ZNF609: variants seen among roughly 807,000 people sequenced by gnomAD.
ZNF609 encodes the protein zinc finger protein 609.
Under a neutral mutation model 109.5 loss-of-function variants are expected in ZNF609, and 11 were observed. The ratio of observed to expected loss-of-function variants is 0.10; its 90% CI spans 0.06 to 0.17. The LOEUF is 0.17. Ranked by LOEUF, ZNF609 falls within the 10% of genes least tolerant of loss-of-function variation. The pLI is 1.00. For missense variants in ZNF609, 1,559 were observed against 1,772.4 expected (o/e 0.88, Z 2.16); for synonymous variants, 646 against 662.0 (o/e 0.98, Z 0.37).
intron 2 of ZNF609, among the ~76,000 whole-genome samples, chr15:64,576,157 C>T (rs923807244): frequency 4.2e-4 from 64 of 152,026 alleles, no homozygotes; most frequent in African/African-American, 1.5e-3. Flanking sequence ...AAAATGGGGG[C>T]TAATCAGGAT....
chr15:64,644,812 C>T (rs1896306400), intron 3 of ZNF609, among the ~76,000 whole-genome samples: 1 of 152,042 alleles, frequency 6.6e-6, no homozygotes, highest in Admixed American at 6.5e-5. Context: ...TTGGACCAGG[C>T]AATCATCTAC....
At chr15:64,611,442 AT>A (rs1365092775) in intron 2 of ZNF609, among the ~76,000 whole-genome samples, 1 of 152,176 alleles carries the variant, frequency 6.6e-6, no homozygotes, top group African/African-American at 2.4e-5. Flanking sequence ...TTGCACACTG[AT>A]TTTGCTTATG....
At chr15:64,655,303 A>G (rs1425941301) in intron 3 of ZNF609, among the ~76,000 whole-genome samples, 1 of 150,268 alleles carries the variant, frequency 6.7e-6, no homozygotes, top group Non-Finnish European at 1.5e-5. Context: ...ATTAGCCGGC[A>G]TGGTGGCACA....
intron 3 of ZNF609, among the ~76,000 whole-genome samples, chr15:64,661,383 C>A (rs1249620227): frequency 1.3e-5 from 2 of 152,182 alleles, no homozygotes; most frequent in Non-Finnish European, 2.9e-5. Context: ...TACTTGAGAA[C>A]AGTGTCTGGC....
intron 3 of ZNF609, among the ~76,000 whole-genome samples, chr15:64,669,504 T>C (rs1283415381): frequency 6.6e-6 from 1 of 152,184 alleles, no homozygotes; most frequent in Non-Finnish European, 1.5e-5. Context: ...GGAAGACTTT[T>C]GGATGTTTCC....
chr15:64,574,307 A>AG (rs1222421978), intron 2 of ZNF609, among the ~76,000 whole-genome samples: 1 of 151,986 alleles, frequency 6.6e-6, no homozygotes, highest in African/African-American at 2.4e-5. Flanking sequence ...TTGGTAAAGA[A>AG]GGAACCTGCA....
intron 2 of ZNF609, among the ~76,000 whole-genome samples, chr15:64,552,585 C>G (rs1189375711): frequency 1.3e-5 from 2 of 152,090 alleles, no homozygotes; most frequent in African/African-American, 4.8e-5. Flanking sequence ...AACTCCTGAC[C>G]TCAAGCAATC....
chr15:64,552,484 G>C (rs1448087019), intron 2 of ZNF609, among the ~76,000 whole-genome samples: 1 of 152,032 alleles, frequency 6.6e-6, no homozygotes, highest in African/African-American at 2.4e-5. Context: ...CAGTTCTGCT[G>C]CCTCAGCCTC....
chr15:64,679,827 A>G (rs1170073531), intron 6 of ZNF609, among the ~76,000 whole-genome samples: 1 of 152,340 alleles, frequency 6.6e-6, no homozygotes. Context: ...AAGGTTACCA[A>G]GCTAGTAAGT....
intron 4 of ZNF609, among the ~76,000 whole-genome samples, chr15:64,673,690 C>CAG (rs1896767502): frequency 6.6e-6 from 1 of 152,172 alleles, no homozygotes; most frequent in Non-Finnish European, 1.5e-5. Flanking sequence ...TCTTACGGAA[C>CAG]AGATTCTGCA....
At chr15:64,529,198 C>T (rs1338298029) in intron 2 of ZNF609, 6 of 732,544 alleles carry the variant, frequency 8.2e-6, no homozygotes, top group Non-Finnish European at 1.5e-5. Context: ...GGCTGGGGCG[C>T]TAAGCAGTTG....
At chr15:64,496,191 T>C (rs1200390906) in intron 1 of ZNF609, among the ~76,000 whole-genome samples, 2 of 152,236 alleles carry the variant, frequency 1.3e-5, no homozygotes, top group African/African-American at 4.8e-5. Flanking sequence ...GGGCAGGCAG[T>C]ACAGTAGACT....
intron 2 of ZNF609, among the ~76,000 whole-genome samples, chr15:64,542,998 G>A (rs866929050): frequency 6.6e-6 from 1 of 152,038 alleles, no homozygotes; most frequent in African/African-American, 2.4e-5. Context: ...GTCAGCGGGT[G>A]GGGGGCAAGG....
intron 2 of ZNF609, among the ~76,000 whole-genome samples, chr15:64,535,039 C>T (rs1331744942): frequency 6.8e-6 from 1 of 148,010 alleles, no homozygotes; most frequent in Non-Finnish European, 1.5e-5. Context: ...AACTCCGTCT[C>T]CAAAAAAAAA....
At chr15:64,667,175 A>G (rs1050279759) in intron 3 of ZNF609, among the ~76,000 whole-genome samples, 1 of 152,168 alleles carries the variant, frequency 6.6e-6, no homozygotes, top group African/African-American at 2.4e-5. Flanking sequence ...TGTAGAAGCC[A>G]AGTGACTTGT....
intron 2 of ZNF609, among the ~76,000 whole-genome samples, chr15:64,620,298 T>C (rs771349256): frequency 6.6e-6 from 1 of 152,220 alleles, no homozygotes; most frequent in Non-Finnish European, 1.5e-5. Context: ...AGAGAAAGAA[T>C]AGATAAACAG....
chr15:64,636,580 A>G (rs935671166), intron 3 of ZNF609, among the ~76,000 whole-genome samples: 1 of 152,246 alleles, frequency 6.6e-6, no homozygotes, highest in Non-Finnish European at 1.5e-5. Flanking sequence ...TATACTTGAA[A>G]TATTGTGCAT....
intron 2 of ZNF609, among the ~76,000 whole-genome samples, chr15:64,555,738 C>G (rs573575067): frequency 9.2e-5 from 14 of 151,774 alleles, no homozygotes; most frequent in African/African-American, 3.4e-4. Context: ...AAAAATTAGC[C>G]GGGCATGGTG....
intron 4 of ZNF609, 127 bp from the exon 5 acceptor site, chr15:64,673,789 C>A: frequency 9.0e-7 from 1 of 1,116,458 alleles, no homozygotes; most frequent in South Asian, 1.7e-5. Context: ...ATCAGAATTT[C>A]TTTTAACAAA....
Sources: allele counts gnomAD v4.1 joint callset (sites outside exome capture counted in the v4.1 genomes callset), GRCh38; gene constraint gnomAD v4.1.1; transcripts MANE v1.5; gene names NCBI Gene and HGNC (gene_info 2026-07-23, HGNC 2026-07-21).